WWOX: variants seen among roughly 807,000 people sequenced by gnomAD.
WWOX encodes the protein WW domain-containing oxidoreductase.
In WWOX, 69 loss-of-function variants were observed where a neutral mutation model predicts 46.2. The ratio of observed to expected loss-of-function variants is 1.49; its 90% CI spans 1.23 to 1.82. The LOEUF (loss-of-function observed/expected upper bound fraction) is 1.82. Ranked by LOEUF, WWOX falls within the 40% of genes most tolerant of loss-of-function variation. The probability of loss-of-function intolerance (pLI) is 0.00; values close to 1 mark genes in which losing one functional copy is unlikely to be tolerated. For missense variants in WWOX, 919 were observed against 542.6 expected (o/e 1.69, Z -6.89); for synonymous variants, 359 against 202.6 (o/e 1.77, Z -6.56).
At chr16:78,154,602 A>T (rs1003430420) in intron 4 of WWOX, among the ~76,000 whole-genome samples, 4 of 144,340 alleles carry the variant, frequency 2.8e-5, no homozygotes, top group Admixed American at 7.3e-5. Context: ...CCACTCAGTG[A>T]CATTTGTGAA....
chr16:78,647,148 G>A (rs978246724), intron 8 of WWOX, among the ~76,000 whole-genome samples: 5 of 152,176 alleles, frequency 3.3e-5, no homozygotes, highest in African/African-American at 1.2e-4. Context: ...CCTGGGTCTA[G>A]CTGGGGACAT....
chr16:78,124,775 C>T (rs2033286951), intron 4 of WWOX, among the ~76,000 whole-genome samples: 1 of 152,102 alleles, frequency 6.6e-6, no homozygotes, highest in Non-Finnish European at 1.5e-5. Context: ...GATGGTTTTA[C>T]TTTTTGTGAT....
intron 8 of WWOX, among the ~76,000 whole-genome samples, chr16:78,516,625 C>T (rs1015860980): frequency 1.3e-5 from 2 of 152,292 alleles, no homozygotes; most frequent in South Asian, 2.1e-4. Flanking sequence ...CCATTTTGCA[C>T]GTGTATTGTC....
chr16:79,158,767 C>A (rs2050430198), intron 8 of WWOX, among the ~76,000 whole-genome samples: 1 of 152,198 alleles, frequency 6.6e-6, no homozygotes, highest in African/African-American at 2.4e-5. Flanking sequence ...AAGAAGCCAC[C>A]TCCTCCAGTT....
chr16:78,794,998 A>G (rs1414708385), intron 8 of WWOX, among the ~76,000 whole-genome samples: 1 of 152,172 alleles, frequency 6.6e-6, no homozygotes, highest in Non-Finnish European at 1.5e-5. Flanking sequence ...TCTGTAAGTA[A>G]TGGGAGTTGG....
chr16:78,703,966 A>T (rs1013453669), intron 8 of WWOX, among the ~76,000 whole-genome samples: 8 of 152,104 alleles, frequency 5.3e-5, no homozygotes, highest in African/African-American at 1.9e-4. Flanking sequence ...TATCATTTTA[A>T]CCATTTCTCA....
intron 8 of WWOX, among the ~76,000 whole-genome samples, chr16:79,074,490 A>G (rs371618724): frequency 1.6e-5 from 2 of 122,976 alleles, no homozygotes; most frequent in South Asian, 2.8e-4. Context: ...ATCAATGGGC[A>G]GTGTGGGGGA....
intron 8 of WWOX, among the ~76,000 whole-genome samples, chr16:78,844,798 A>T (rs535261744): frequency 6.6e-6 from 1 of 152,308 alleles, no homozygotes; most frequent in African/African-American, 2.4e-5. Flanking sequence ...CCCCGGCCAG[A>T]GTTGGCTGGG....
intron 8 of WWOX, among the ~76,000 whole-genome samples, chr16:78,961,539 G>A (rs1286891837): frequency 1.3e-5 from 2 of 152,044 alleles, no homozygotes; most frequent in Admixed American, 6.6e-5. Flanking sequence ...TGGGTACATA[G>A]ATGGATGTAT....
intron 8 of WWOX, among the ~76,000 whole-genome samples, chr16:78,626,732 G>C (rs997447898): frequency 1.3e-4 from 20 of 152,162 alleles, no homozygotes; most frequent in African/African-American, 4.3e-4. Context: ...TTCGAGGGTA[G>C]AGTATCTGCA....
At chr16:78,462,725 G>T (rs1375238893) in intron 8 of WWOX, among the ~76,000 whole-genome samples, 4 of 152,204 alleles carry the variant, frequency 2.6e-5, no homozygotes, top group Admixed American at 2.6e-4. Context: ...AATACAAACT[G>T]GCGTATGTTA....
chr16:79,038,593 A>C (rs1298800666), intron 8 of WWOX, among the ~76,000 whole-genome samples: 1 of 152,198 alleles, frequency 6.6e-6, no homozygotes, highest in Non-Finnish European at 1.5e-5. Flanking sequence ...CTTGTCACAC[A>C]GGCTGGAGTG....
chr16:78,597,899 G>C (rs963900274), intron 8 of WWOX, among the ~76,000 whole-genome samples: 1 of 151,386 alleles, frequency 6.6e-6, no homozygotes, highest in African/African-American at 2.4e-5. Flanking sequence ...TCATATCAGA[G>C]CCTTTTCAGA....
chr16:78,527,769 G>C (rs1048813415), intron 8 of WWOX, among the ~76,000 whole-genome samples: 2 of 149,698 alleles, frequency 1.3e-5, no homozygotes, highest in African/African-American at 2.5e-5. Context: ...GGGAATGCAT[G>C]TCAATATCTG....
rs541537885 is a variant in WWOX at position 79,052,358 on chromosome 16, A to G, written c.1057-159250A>G. Among the ~76,000 whole-genome samples, 64 of 152,324 alleles carry G rather than the reference A, an allele frequency of 4.2e-4. 1 individual carries two copies. Among genetic ancestry groups the G allele is most frequent in the Admixed American group, 7.8e-4 (12 of 15,310 alleles). On this transcript the variant is annotated intron_variant, in intron 8 of 8. Transcript: ENST00000566780. ...TCCAATTTCATCCATGTCCCTACAA[A>G]GGACATGAACTCATCCTTTTTTATG...
chr16:78,628,250 C>T (rs568573317), intron 8 of WWOX, among the ~76,000 whole-genome samples: 4 of 152,166 alleles, frequency 2.6e-5, no homozygotes, highest in Non-Finnish European at 5.9e-5. Context: ...TAAGGCCTCT[C>T]CCTCATGTCA....
chr16:78,768,589 C>T (rs1258138793), intron 8 of WWOX, among the ~76,000 whole-genome samples: 13 of 137,218 alleles, frequency 9.5e-5, no homozygotes, highest in Admixed American at 1.5e-4. Flanking sequence ...GACTTCATCT[C>T]GAGGAAAAAA....
chr16:79,017,296 G>C (rs1000118271), intron 8 of WWOX: 3 of 151,822 alleles, frequency 2.0e-5, no homozygotes, highest in Admixed American at 6.6e-5. Context: ...CAGGCATGGT[G>C]GTGGGCACCT....
chr16:78,898,523 A>G (rs1389549417), intron 8 of WWOX: 1 of 152,046 alleles, frequency 6.6e-6, no homozygotes, highest in East Asian at 1.9e-4. Context: ...TTACTGCTCG[A>G]TTGCCTGGAA....
Sources: gnomAD v4.1 joint callset for allele counts (sites outside exome capture counted in the v4.1 genomes callset) on GRCh38, gnomAD v4.1.1 for gene constraint, MANE v1.5 for transcripts, NCBI Gene and HGNC (gene_info 2026-07-23, HGNC 2026-07-21) for gene names.